Variants in DGKB observed in about 807,000 individuals in gnomAD.
DGKB encodes the protein 90 kDa diacylglycerol kinase.
Under a neutral mutation model 114.3 loss-of-function variants are expected in DGKB, and 67 were observed. The ratio of observed to expected loss-of-function variants is 0.59; its 90% CI spans 0.48 to 0.72. The LOEUF (loss-of-function observed/expected upper bound fraction) is 0.72. Among genes scored for constraint, DGKB ranks in the 30% least tolerant of loss-of-function variants. The pLI, the probability that DGKB is intolerant of heterozygous loss-of-function variation, is 0.00. For synonymous variants in DGKB, 398 were observed against 323.1 expected, an observed-to-expected ratio of 1.23 and a Z score of -2.49; for missense variants, 907 against 975.2, an observed-to-expected ratio of 0.93 and a Z score of 0.93.
chr7:14,169,652 T>C (rs1780550164), intron 25 of DGKB, among the ~76,000 whole-genome samples: 1 of 152,118 alleles, frequency 6.6e-6, no homozygotes, highest in African/African-American at 2.4e-5. Context: ...GGCATTGAAC[T>C]TTGAGATCAA....
intron 21 of DGKB, among the ~76,000 whole-genome samples, chr7:14,426,179 G>A (rs1277675159): frequency 6.6e-6 from 1 of 152,070 alleles, no homozygotes; most frequent in Non-Finnish European, 1.5e-5. Context: ...ATGAATTATT[G>A]GACTCAGATT....
intron 1 of DGKB, among the ~76,000 whole-genome samples, chr7:14,882,580 T>G (rs1430017282): frequency 2.0e-5 from 3 of 152,008 alleles, no homozygotes; most frequent in African/African-American, 7.2e-5. Context: ...TTATCATCCT[T>G]CATCCTCTTC....
intron 23 of DGKB, among the ~76,000 whole-genome samples, chr7:14,238,639 G>A (rs7799548): frequency 6.6e-6 from 1 of 151,522 alleles, no homozygotes; most frequent in Non-Finnish European, 1.5e-5. Flanking sequence ...CAGGACAGAG[G>A]GTTAAAGTTG....
chr7:14,188,547 C>A (rs1783806484), intron 23 of DGKB, among the ~76,000 whole-genome samples: 1 of 142,996 alleles, frequency 7.0e-6, no homozygotes, highest in Non-Finnish European at 1.5e-5. Context: ...GTAGTCCCAG[C>A]TACTTGGGAG....
Position 14,718,702 on chromosome 7 carries a change from C to T in DGKB, c.323-17G>A, listed in dbSNP as rs763582084. On this transcript the variant is annotated splice_polypyrimidine_tract_variant and intron_variant, in intron 5 of 25. Coordinates refer to ENST00000402815, the MANE Select transcript of DGKB (RefSeq NM_001350709.2). Reference sequence around the variant, plus strand: ...TTCTCAGACCTGGAAAAAAAATTGTCTTTATATTTTGTTAATTATTTACAG... The same window carrying T: ...TTCTCAGACCTGGAAAAAAAATTGTTTTTATATTTTGTTAATTATTTACAG... The T allele has an allele frequency of 5.0e-6, 8 of 1,585,728 alleles. No individual in the cohort carries two copies. The highest frequency in any genetic ancestry group is 1.2e-5 in the South Asian group (1 of 86,932).
intron 3 of DGKB, among the ~76,000 whole-genome samples, chr7:14,757,384 G>A (rs1280734989): frequency 6.6e-6 from 1 of 151,888 alleles, no homozygotes; most frequent in Non-Finnish European, 1.5e-5. Flanking sequence ...AACGAAAAAT[G>A]TACAACATTT....
chr7:14,662,033 C>T (rs1288223591), intron 13 of DGKB, among the ~76,000 whole-genome samples: 3 of 151,904 alleles, frequency 2.0e-5, no homozygotes, highest in African/African-American at 7.3e-5. Flanking sequence ...GGAAGGGGAA[C>T]ATCACACTCT....
intron 13 of DGKB, among the ~76,000 whole-genome samples, chr7:14,669,860 G>C (rs894823528): frequency 2.0e-5 from 3 of 152,062 alleles, no homozygotes; most frequent in Non-Finnish European, 4.4e-5. Flanking sequence ...CTAAAAATGT[G>C]AAATTCAAGT....
chr7:14,937,025 T>TACACACACACACACACACACACAC (rs56176139), intron 1 of DGKB, among the ~76,000 whole-genome samples: 1 of 132,284 alleles, frequency 7.6e-6, no homozygotes, highest in Non-Finnish European at 1.6e-5. Flanking sequence ...GTCCATTCAC[T>TACACACACACACACACACACACAC]ACACACACAC....
chr7:14,863,792 TA>T (rs542539067), intron 1 of DGKB, among the ~76,000 whole-genome samples: 21 of 151,370 alleles, frequency 1.4e-4, no homozygotes, highest in East Asian at 5.8e-4. Flanking sequence ...TATGTTAAAT[TA>T]AAAAAAAATT....
At chr7:14,565,721 C>A (rs1455028576) in intron 20 of DGKB, among the ~76,000 whole-genome samples, 1 of 152,050 alleles carries the variant, frequency 6.6e-6, no homozygotes, top group Non-Finnish European at 1.5e-5. Context: ...TAAGTCTTTC[C>A]AGTTTTTTTC....
At chr7:14,425,799 C>T (rs1050919094) in intron 21 of DGKB, among the ~76,000 whole-genome samples, 1 of 152,200 alleles carries the variant, frequency 6.6e-6, no homozygotes. Context: ...TTAATAGTAT[C>T]TTCTTTGGTG....
chr7:14,572,181 C>CGGTA (rs963362603), intron 20 of DGKB, among the ~76,000 whole-genome samples: 1 of 151,608 alleles, frequency 6.6e-6, no homozygotes, highest in Non-Finnish European at 1.5e-5. Context: ...AGGCCGGGCG[C>CGGTA]GGTAGCTCAT....
intron 20 of DGKB, among the ~76,000 whole-genome samples, chr7:14,514,043 G>C (rs1788388820): frequency 6.6e-6 from 1 of 151,754 alleles, no homozygotes; most frequent in African/African-American, 2.4e-5. Context: ...AAATCCATAA[G>C]ATAAATGATA....
chr7:14,311,158 A>G (rs1805331554), intron 23 of DGKB, among the ~76,000 whole-genome samples: 1 of 152,118 alleles, frequency 6.6e-6, no homozygotes, highest in Admixed American at 6.6e-5. Flanking sequence ...AAAAATACTG[A>G]AATTCATCCT....
intron 13 of DGKB, among the ~76,000 whole-genome samples, chr7:14,655,331 A>G (rs140586187): frequency 3.8e-4 from 57 of 151,966 alleles, no homozygotes; most frequent in African/African-American, 1.3e-3. Context: ...CAAAACCACC[A>G]TAAGATATCA....
intron 23 of DGKB, among the ~76,000 whole-genome samples, chr7:14,313,601 A>G (rs1278126769): frequency 6.6e-6 from 1 of 152,146 alleles, no homozygotes; most frequent in East Asian, 1.9e-4. Flanking sequence ...GCACCACGAG[A>G]TTATATCCGC....
rs57653365 is a variant in DGKB, at chr7:14,624,935, T to C, written c.1168-3441A>G. On this transcript the variant is annotated intron_variant, in intron 14 of 25. Transcript: ENST00000402815. ...GATCACTGGAGTCTGGGGATGGAGG[T>C]TGCAGTGAGCCAAGATTGTACCACT... Among the ~76,000 whole-genome samples, 852 of 151,918 alleles carry C rather than the reference T, an allele frequency of 5.6e-3. 7 individuals are homozygous for C. The highest frequency in any genetic ancestry group is 0.019 in the African/African-American group (800 of 41,428).
At chr7:14,774,981 T>C (rs1024900423) in intron 2 of DGKB, among the ~76,000 whole-genome samples, 8 of 152,256 alleles carry the variant, frequency 5.3e-5, no homozygotes, top group Non-Finnish European at 1.0e-4. Flanking sequence ...AAAATGCCCA[T>C]TTCATAAAAA....
Sources: gnomAD v4.1 joint callset for allele counts (sites outside exome capture counted in the v4.1 genomes callset) on GRCh38, gnomAD v4.1.1 for gene constraint, MANE v1.5 for transcripts, NCBI Gene and HGNC (gene_info 2026-07-23, HGNC 2026-07-21) for gene names.